P3H2: variants seen among roughly 807,000 people sequenced by gnomAD.
P3H2 encodes leprecan-like 1.
P3H2 carries 80 observed loss-of-function variants against 87.0 expected under a neutral mutation model. That is an observed-to-expected ratio of 0.92 (90% CI 0.77 to 1.11). The LOEUF (loss-of-function observed/expected upper bound fraction) is 1.11. P3H2 is among the 50% of genes least tolerant of loss of function. The probability of loss-of-function intolerance (pLI) is 0.00; values close to 1 mark genes in which losing one functional copy is unlikely to be tolerated. For synonymous variants in P3H2, 367 were observed against 359.3 expected, an observed-to-expected ratio of 1.02 and a Z score of -0.24; for missense variants, 1,001 against 923.9, an observed-to-expected ratio of 1.08 and a Z score of -1.08.
chr3:190,115,920 A>G (rs1019129003), intron 1 of P3H2, among the ~76,000 whole-genome samples: 1 of 152,220 alleles, frequency 6.6e-6, no homozygotes, highest in African/African-American at 2.4e-5. Flanking sequence ...TTTGAATCAC[A>G]TTTTAAAGCC....
intron 1 of P3H2, among the ~76,000 whole-genome samples, chr3:190,094,741 C>A (rs1306010452): frequency 6.6e-6 from 1 of 152,160 alleles, no homozygotes; most frequent in African/African-American, 2.4e-5. Context: ...CCGCAAAACA[C>A]CTAACACAGC....
rs112069347 is a variant in P3H2, at chr3:190,108,223, C to T, written c.480+12029G>A. ...CTATAGTGCAGTGGTGCAATCATGG[C>T]TCACTGTAGCCTCAAACTCCTGGGC... On this transcript the variant is annotated intron_variant, in intron 1 of 14. Transcript: ENST00000319332. Among the ~76,000 whole-genome samples, 361 of 152,162 alleles carry T rather than the reference C, an allele frequency of 2.4e-3. 1 individual carries two copies. The highest frequency in any genetic ancestry group is 7.5e-3 in the South Asian group (36 of 4,824).
At position 190,113,413 on chromosome 3, in the gene P3H2, C is replaced by T. The variant is rs112646249; in HGVS notation, c.480+6839G>A. 2.2e-3 allele frequency among the ~76,000 whole-genome samples: 337 copies of T among 152,264 alleles called. 2 individuals carry two copies. The highest frequency in any genetic ancestry group is 3.4e-3 in the Non-Finnish European group (230 of 68,016). ...TACATTTCTTGAACAAAATAATTAC[C>T]CTTTCCTCCCTTGCTTTTACGTCAC... On this transcript the variant is annotated intron_variant, in intron 1 of 14. Coordinates refer to ENST00000319332, the MANE Select transcript of P3H2 (RefSeq NM_018192.4).
chr3:190,034,845 TTTC>T (rs906121049), intron 1 of P3H2, among the ~76,000 whole-genome samples: 5 of 73,204 alleles, frequency 6.8e-5, no homozygotes, highest in Non-Finnish European at 1.4e-4. Flanking sequence ...TTTCTTTTCT[TTTC>T]TTTTCTTTTT....
At chr3:189,975,296 A>T (rs575844308) in intron 8 of P3H2, among the ~76,000 whole-genome samples, 1 of 152,084 alleles carries the variant, frequency 6.6e-6, no homozygotes, top group East Asian at 1.9e-4. Context: ...TTAGGCACCT[A>T]CTCTCTTCCC....
intron 1 of P3H2, among the ~76,000 whole-genome samples, chr3:190,091,277 G>A (rs939519059): frequency 5.9e-5 from 9 of 152,164 alleles, no homozygotes; most frequent in African/African-American, 2.2e-4. Context: ...ATGCTTTCTG[G>A]TCTGATATAA....
At chr3:189,995,508 A>C in intron 1 of P3H2, 66 bp from the exon 2 acceptor site, 1 of 1,538,236 alleles carries the variant, frequency 6.5e-7, no homozygotes, top group Non-Finnish European at 8.9e-7. Context: ...GAGAAATACA[A>C]AGATCAATCC....
At chr3:190,053,526 C>G (rs563868548) in intron 1 of P3H2, among the ~76,000 whole-genome samples, 23 of 149,338 alleles carry the variant, frequency 1.5e-4, no homozygotes, top group African/African-American at 4.4e-4. Flanking sequence ...GGCACAATCT[C>G]GGCTCACTGT....
intron 1 of P3H2, among the ~76,000 whole-genome samples, chr3:190,004,960 T>C (rs934303484): frequency 1.3e-5 from 2 of 152,156 alleles, no homozygotes; most frequent in African/African-American, 4.8e-5. Context: ...CAGATCACAT[T>C]TTTTCCTCAA....
rs7613425 is a variant in P3H2 at position 190,066,471 on chromosome 3, T to C, written c.480+53781A>G. 6.1e-4 allele frequency among the ~76,000 whole-genome samples: 92 copies of C among 151,938 alleles called. 1 individual carries two copies. Among genetic ancestry groups the C allele is most frequent in the African/African-American group, 2.2e-3 (91 of 41,454 alleles). On this transcript the variant is annotated intron_variant, in intron 1 of 14. Coordinates refer to ENST00000319332, the MANE Select transcript of P3H2 (RefSeq NM_018192.4). ...AAGGCATAAGGATGACACAATAAAC[T>C]TCAGGGACTCAGGGGGTAAGGATGG...
chr3:190,071,978 G>GTTTT (rs60227697), intron 1 of P3H2, among the ~76,000 whole-genome samples: 2,709 of 119,110 alleles, frequency 0.023, 148 homozygotes, highest in African/African-American at 0.086. Context: ...AAGATGAAGG[G>GTTTT]TTTTTTTTTT....
intron 1 of P3H2, among the ~76,000 whole-genome samples, chr3:190,007,959 G>GACACACACACACACAC (rs371622835): frequency 0.033 from 3,343 of 100,684 alleles, 156 homozygotes; most frequent in Non-Finnish European, 0.045. Context: ...TCTATTTGTT[G>GACACACACACACACAC]ACACACATAT....
chr3:190,009,119 C>A (rs77892833), intron 1 of P3H2, among the ~76,000 whole-genome samples: 1 of 151,994 alleles, frequency 6.6e-6, no homozygotes, highest in Non-Finnish European at 1.5e-5. Context: ...AGAGGAAAAG[C>A]GTCATCTATA....
chr3:190,054,194 A>G (rs944135327), intron 1 of P3H2, among the ~76,000 whole-genome samples: 1 of 152,204 alleles, frequency 6.6e-6, no homozygotes, highest in Non-Finnish European at 1.5e-5. Flanking sequence ...TATTTTCTAA[A>G]TGCCTTATTT....
At chr3:190,027,731 C>T (rs1725126079) in intron 1 of P3H2, among the ~76,000 whole-genome samples, 1 of 150,808 alleles carries the variant, frequency 6.6e-6, no homozygotes, top group South Asian at 2.1e-4. Context: ...GTAATCGATT[C>T]ATAAAATATT....
chr3:189,970,931 C>T, intron 12 of P3H2, 40 bp from the exon 13 acceptor site: 4 of 1,094,282 alleles, frequency 3.7e-6, no homozygotes, highest in Middle Eastern at 2.0e-4. Context: ...TTATTATATG[C>T]TTATGAGAGC....
intron 1 of P3H2, among the ~76,000 whole-genome samples, chr3:190,018,106 A>G (rs1269431129): frequency 6.6e-6 from 1 of 152,226 alleles, no homozygotes; most frequent in Non-Finnish European, 1.5e-5. Flanking sequence ...CAAGAATTAT[A>G]TGAAACTTTG....
At position 189,957,947 on chromosome 3, in the gene P3H2, G is replaced by A. The variant is rs1466047527; in HGVS notation, c.2092C>T (p.His698Tyr). The A allele has an allele frequency of 6.2e-7, 1 of 1,612,940 alleles. No individual in the cohort carries two copies. The highest frequency in any genetic ancestry group is 8.5e-7 in the Non-Finnish European group (1 of 1,179,104). The stretch of plus-strand genomic sequence containing the variant: ...TCTTTAGGGTTGATATTCAGTTCAT[G>A]CTTCCCTTGCTGTTCTTGATCCAGA... ...AILDQEQQGK[H>Y]ELNINPKDEL Residue 698 changes from histidine (H) to tyrosine (Y), a missense_variant, in exon 15 of 15, where the codon CAT (histidine) becomes TAT (tyrosine). Physicochemically the swap from His to Tyr is moderately conservative, Grantham distance 83. Transcript: ENST00000319332.
At position 189,982,898 on chromosome 3, in the gene P3H2, T is replaced by C. The variant is rs114083894; in HGVS notation, c.1324+148A>G. On this transcript the variant is annotated intron_variant, in intron 8 of 14. Coordinates refer to ENST00000319332, the MANE Select transcript of P3H2 (RefSeq NM_018192.4). ...ATCTAAGACTTTTTTTTTTAAGTCT[T>C]GCTTTCAGACTATTAGGGAGTGTAG... is the stretch of plus-strand genomic sequence containing the variant. The C allele has an allele frequency of 2.1e-3, 1,186 of 576,376 alleles. 8 individuals are homozygous for C. Among genetic ancestry groups the C allele is most frequent in the African/African-American group, 0.019 (1,025 of 53,348 alleles). The allele number at this position is 576,376 out of a possible 1,614,324, so 35.7% of individuals were successfully genotyped here. A position where few individuals can be genotyped will look rare whatever the true frequency, so the allele number is the denominator to read the frequency against.
Sources: allele counts gnomAD v4.1 joint callset (sites outside exome capture counted in the v4.1 genomes callset), GRCh38; gene constraint gnomAD v4.1.1; transcripts MANE v1.5; gene names NCBI Gene and HGNC (gene_info 2026-07-23, HGNC 2026-07-21).